The following DLC1 variants were observed in gnomAD, a reference collection of about 807,000 sequenced individuals.
DLC1 encodes the protein DLC1 Rho GTPase activating protein, also known as rho GTPase-activating protein 7.
Under a neutral mutation model 140.3 loss-of-function variants are expected in DLC1, and 54 were observed. That is an observed-to-expected ratio of 0.38 (90% confidence interval 0.31 to 0.48). The LOEUF (loss-of-function observed/expected upper bound fraction) is 0.48. Ranked by LOEUF, DLC1 falls within the 20% of genes least tolerant of loss-of-function variation. The pLI is 0.96. For missense variants in DLC1, 2,536 were observed against 1,907.0 expected, an observed-to-expected ratio of 1.33 and a Z score of -6.14; for synonymous variants, 986 against 728.1, an observed-to-expected ratio of 1.35 and a Z score of -5.70.
intron 1 of DLC1, among the ~76,000 whole-genome samples, chr8:13,598,799 T>C (rs1805767079): frequency 6.6e-6 from 1 of 152,050 alleles, no homozygotes; most frequent in Admixed American, 6.6e-5. Flanking sequence ...GTACATATTG[T>C]TACACCAACT....
Position 13,413,440 on chromosome 8 carries a change from C to T in DLC1, c.1024-11821G>A, listed in dbSNP as rs73553461. 3.6e-3 allele frequency among the ~76,000 whole-genome samples: 549 copies of T among 151,546 alleles called. 3 individuals are homozygous for T. The highest frequency in any genetic ancestry group is 0.013 in the African/African-American group (533 of 41,256). Reference sequence around the variant, plus strand: ...TCTCTCTCCTACACACACACATACACGAGCACACATACAGACACATCCAAT... The same window carrying T: ...TCTCTCTCCTACACACACACATACATGAGCACACATACAGACACATCCAAT... On this transcript the variant is annotated intron_variant, in intron 2 of 17. Transcript: ENST00000276297.
intron 2 of DLC1, among the ~76,000 whole-genome samples, chr8:13,457,581 G>C (rs972065403): frequency 6.7e-6 from 1 of 148,588 alleles, no homozygotes; most frequent in Non-Finnish European, 1.5e-5. Flanking sequence ...GGAGGCTGAG[G>C]CAGGAGAATG....
chr8:13,325,325 G>T (rs1294046686), intron 4 of DLC1, among the ~76,000 whole-genome samples: 2 of 152,006 alleles, frequency 1.3e-5, no homozygotes, highest in Non-Finnish European at 2.9e-5. Context: ...TTTCACGGAC[G>T]GCAAAAAGGG....
At chr8:13,196,429 C>G (rs1489578919) in intron 5 of DLC1, among the ~76,000 whole-genome samples, 1 of 152,132 alleles carries the variant, frequency 6.6e-6, no homozygotes. Flanking sequence ...TCAACACATA[C>G]CCGTGTAAGG....
chr8:13,582,999 T>G (rs1447099280), intron 1 of DLC1, among the ~76,000 whole-genome samples: 2 of 151,098 alleles, frequency 1.3e-5, no homozygotes, highest in Non-Finnish European at 2.9e-5. Flanking sequence ...AATGGTCATC[T>G]AAGTCTTCAG....
At chr8:13,176,307 G>C (rs922467840) in intron 5 of DLC1, among the ~76,000 whole-genome samples, 1 of 152,176 alleles carries the variant, frequency 6.6e-6, no homozygotes, top group Non-Finnish European at 1.5e-5. Flanking sequence ...GTCCGGGTGT[G>C]GTGGTTCACT....
At chr8:13,180,990 T>C (rs1825997996) in intron 5 of DLC1, among the ~76,000 whole-genome samples, 1 of 152,144 alleles carries the variant, frequency 6.6e-6, no homozygotes, top group Non-Finnish European at 1.5e-5. Flanking sequence ...TTTTTTTCTG[T>C]TGAAGATATC....
chr8:13,137,999 G>A lies in DLC1; in HGVS notation c.1349-22342C>T, dbSNP rs75509493. Reference sequence around the variant, plus strand: ...GTATTAGCATGGAAAGAAAGATTACGTAGTTAACTCCTAAACTGCATGACA... The same window carrying A: ...GTATTAGCATGGAAAGAAAGATTACATAGTTAACTCCTAAACTGCATGACA... On this transcript the variant is annotated intron_variant, in intron 5 of 17. Transcript: ENST00000276297. 8.2e-4 allele frequency among the ~76,000 whole-genome samples: 125 copies of A among 152,256 alleles called. 1 individual carries two copies. The highest frequency in any genetic ancestry group is 2.9e-3 in the African/African-American group (119 of 41,544).
chr8:13,146,004 C>T (rs778105466), intron 5 of DLC1, among the ~76,000 whole-genome samples: 3 of 152,046 alleles, frequency 2.0e-5, no homozygotes, highest in African/African-American at 4.8e-5. Context: ...TAGGGCCGGG[C>T]GCAGTGGCTC....
At chr8:13,447,626 T>C (rs922730106) in intron 2 of DLC1, among the ~76,000 whole-genome samples, 2 of 152,182 alleles carry the variant, frequency 1.3e-5, no homozygotes, top group African/African-American at 4.8e-5. Flanking sequence ...GTAATAAACG[T>C]TATAATAAAA....
chr8:13,158,093 C>CT (rs1824393500), intron 5 of DLC1, among the ~76,000 whole-genome samples: 1 of 152,086 alleles, frequency 6.6e-6, no homozygotes, highest in African/African-American at 2.4e-5. Flanking sequence ...CTCAAGACAG[C>CT]TTTTTTTATA....
intron 1 of DLC1, among the ~76,000 whole-genome samples, chr8:13,599,931 G>C (rs1805816116): frequency 6.6e-6 from 1 of 151,932 alleles, no homozygotes; most frequent in Admixed American, 6.6e-5. Flanking sequence ...ATGAGGTATG[G>C]ACCTATTGAA....
chr8:13,570,457 C>T (rs1326951988), intron 1 of DLC1, among the ~76,000 whole-genome samples: 2 of 126,748 alleles, frequency 1.6e-5, no homozygotes, highest in Non-Finnish European at 3.3e-5. Context: ...CCCCCCACCC[C>T]ACCACAGTCC....
intron 1 of DLC1, chr8:13,584,041 G>A (rs1805215510): frequency 6.6e-6 from 1 of 152,594 alleles, no homozygotes; most frequent in Non-Finnish European, 1.5e-5. Flanking sequence ...TTGAGCACTG[G>A]TAGAAAGTGT....
chr8:13,510,792 T>C (rs1413114791), intron 1 of DLC1, among the ~76,000 whole-genome samples: 2 of 152,182 alleles, frequency 1.3e-5, no homozygotes, highest in African/African-American at 4.8e-5. Flanking sequence ...TTCTGGTGCT[T>C]AATGAACTTG....
intron 5 of DLC1, among the ~76,000 whole-genome samples, chr8:13,234,886 A>C (rs1348291355): frequency 6.6e-6 from 1 of 152,138 alleles, no homozygotes; most frequent in African/African-American, 2.4e-5. Flanking sequence ...AAAACAACTG[A>C]TTTACGAATC....
At chr8:13,262,298 G>T (rs1830498589) in intron 5 of DLC1, among the ~76,000 whole-genome samples, 1 of 152,032 alleles carries the variant, frequency 6.6e-6, no homozygotes, top group Admixed American at 6.6e-5. Flanking sequence ...TTAAAGACTT[G>T]CTCAAGGGGA....
At chr8:13,497,521 C>T (rs1294389777) in intron 2 of DLC1, among the ~76,000 whole-genome samples, 2 of 152,156 alleles carry the variant, frequency 1.3e-5, no homozygotes, top group Non-Finnish European at 2.9e-5. Flanking sequence ...TTATAACTCT[C>T]AAAAGGCAAC....
intron 4 of DLC1, among the ~76,000 whole-genome samples, chr8:13,359,741 T>C (rs769181022): frequency 6.6e-6 from 1 of 152,190 alleles, no homozygotes; most frequent in Non-Finnish European, 1.5e-5. Flanking sequence ...CATAAAATGA[T>C]ATAAAATAAA....
Sources: allele counts gnomAD v4.1 joint callset (sites outside exome capture counted in the v4.1 genomes callset), GRCh38; gene constraint gnomAD v4.1.1; transcripts MANE v1.5; gene names NCBI Gene and HGNC (gene_info 2026-07-23, HGNC 2026-07-21).